Variants in PTBP3 observed in about 807,000 individuals in gnomAD.
PTBP3 encodes the protein polypyrimidine tract-binding protein 3.
In PTBP3, 20 loss-of-function variants were observed where a neutral mutation model predicts 58.7. That is an observed-to-expected ratio of 0.34 (90% CI 0.24 to 0.50). The LOEUF is 0.50. PTBP3 is among the 20% of genes least tolerant of loss of function. The pLI, the probability that PTBP3 is intolerant of heterozygous loss-of-function variation, is 0.98. For missense variants in PTBP3, 509 were observed against 637.2 expected (o/e 0.80, Z 2.17); for synonymous variants, 185 against 219.8 (o/e 0.84, Z 1.40).
intron 5 of PTBP3, among the ~76,000 whole-genome samples, chr9:112,259,235 G>T (rs1025183563): frequency 2.6e-5 from 4 of 152,148 alleles, no homozygotes; most frequent in Non-Finnish European, 5.9e-5. Flanking sequence ...TTACAGGCGT[G>T]AGCCACCACA....
At chr9:112,301,177 C>G (rs1356580655) in intron 1 of PTBP3, among the ~76,000 whole-genome samples, 6 of 152,010 alleles carry the variant, frequency 3.9e-5, no homozygotes, top group Non-Finnish European at 7.4e-5. Flanking sequence ...AAAAAGACAA[C>G]CCATTGGATT....
chr9:112,273,903 C>G (rs1278055804), intron 3 of PTBP3, among the ~76,000 whole-genome samples: 2 of 152,174 alleles, frequency 1.3e-5, no homozygotes, highest in African/African-American at 4.8e-5. Context: ...AAGCAATTAA[C>G]ATAACACTTA....
rs528829932 is a variant in PTBP3, at chr9:112,218,556, G to A, written c.*5295C>T. 1 of 152,706 alleles carries A rather than the reference G, an allele frequency of 6.5e-6. No individual in the cohort carries two copies. Among genetic ancestry groups the A allele is most frequent in the Non-Finnish European group, 1.5e-5 (1 of 68,016 alleles). The allele number at this position is 152,706 out of a possible 1,614,324, so 9.5% of individuals were successfully genotyped here. ...GCAAATATACAAACTGAACGAAAAT[G>A]GAATATACTGTAGTGTACAGAAGCT... On this transcript the variant is annotated 3_prime_UTR_variant, in exon 14 of 14. Transcript: ENST00000374257.
chr9:112,255,372 T>A (rs1265193333), intron 5 of PTBP3, among the ~76,000 whole-genome samples: 1 of 152,206 alleles, frequency 6.6e-6, no homozygotes, highest in African/African-American at 2.4e-5. Flanking sequence ...GTAAAATTCA[T>A]GTTATATATA....
chr9:112,320,291 A>AAAAAATATATATATATATATATATAT (rs1411646280), intron 1 of PTBP3, among the ~76,000 whole-genome samples: 1 of 73,532 alleles, frequency 1.4e-5, no homozygotes, highest in Non-Finnish European at 2.2e-5. Context: ...AAAAAAAAAA[A>AAAAAATATATATATATATATATATAT]ATATATATAT....
At chr9:112,240,121 GAAAA>G (rs996150746) in intron 7 of PTBP3, among the ~76,000 whole-genome samples, 1 of 152,190 alleles carries the variant, frequency 6.6e-6, no homozygotes, top group Middle Eastern at 3.4e-3. Flanking sequence ...TTGTCAAAAA[GAAAA>G]AAGATGGTAT....
chr9:112,314,275 A>C (rs796531329), intron 1 of PTBP3, among the ~76,000 whole-genome samples: 11 of 152,382 alleles, frequency 7.2e-5, no homozygotes, highest in African/African-American at 2.6e-4. Flanking sequence ...AGTACACTTC[A>C]AGATAGGAAC....
At chr9:112,302,931 A>T (rs1829012154) in intron 1 of PTBP3, among the ~76,000 whole-genome samples, 1 of 152,082 alleles carries the variant, frequency 6.6e-6, no homozygotes, top group Admixed American at 6.6e-5. Flanking sequence ...TTTCAGTTTC[A>T]ATTTGGGGAG....
chr9:112,369,782 G>C, the PTBP3 span, among the ~76,000 whole-genome samples: 17 of 152,132 alleles, frequency 1.1e-4, no homozygotes, highest in African/African-American at 4.1e-4. Flanking sequence ...GAATGATATG[G>C]TTTGGCTGTG....
At chr9:112,359,901 TA>T in the PTBP3 span, among the ~76,000 whole-genome samples, 1 of 151,878 alleles carries the variant, frequency 6.6e-6, no homozygotes, top group Non-Finnish European at 1.5e-5. Context: ...GCTTAAAAAC[TA>T]TAAAAATTAA....
intron 2 of PTBP3, among the ~76,000 whole-genome samples, chr9:112,297,533 T>C (rs1044177629): frequency 3.3e-5 from 5 of 152,182 alleles, no homozygotes; most frequent in East Asian, 1.9e-4. Context: ...TCTAGCTCTT[T>C]TACTCAATAG....
chr9:112,376,659 T>C, the PTBP3 span, among the ~76,000 whole-genome samples: 3 of 151,950 alleles, frequency 2.0e-5, no homozygotes, highest in Non-Finnish European at 4.4e-5. Flanking sequence ...GAGTCTGATG[T>C]TGGAGGGCAA....
chr9:112,333,356 C>T, intron 1 of PTBP3, 114 bp downstream of exon 1: 2 of 1,229,056 alleles, frequency 1.6e-6, no homozygotes, highest in Non-Finnish European at 2.1e-6. Flanking sequence ...CGGGGCCGCT[C>T]CTCCGGCCGC....
intron 2 of PTBP3, among the ~76,000 whole-genome samples, chr9:112,294,663 A>G (rs1828590475): frequency 1.3e-5 from 2 of 152,258 alleles, no homozygotes; most frequent in Non-Finnish European, 2.9e-5. Flanking sequence ...GGTTCCAGTG[A>G]ATACATAACA....
At chr9:112,246,840 G>A (rs1046536312) in intron 7 of PTBP3, among the ~76,000 whole-genome samples, 1 of 152,112 alleles carries the variant, frequency 6.6e-6, no homozygotes, top group African/African-American at 2.4e-5. Context: ...AGTGATCAAA[G>A]CTAACACCAC....
At chr9:112,343,513 G>T in the PTBP3 span, among the ~76,000 whole-genome samples, 1 of 152,142 alleles carries the variant, frequency 6.6e-6, no homozygotes, top group Non-Finnish European at 1.5e-5. Context: ...CATGCAGCTG[G>T]GCGTGGTGGC....
chr9:112,282,850 T>C (rs1247446580), intron 2 of PTBP3, among the ~76,000 whole-genome samples: 2 of 152,190 alleles, frequency 1.3e-5, no homozygotes, highest in African/African-American at 2.4e-5. Context: ...TCTAGAATTG[T>C]AATCCCATAG....
intron 1 of PTBP3, among the ~76,000 whole-genome samples, chr9:112,317,670 C>T (rs748173706): frequency 1.3e-5 from 2 of 152,032 alleles, no homozygotes; most frequent in African/African-American, 2.4e-5. Context: ...CATTATGGGC[C>T]GGGCACAGTG....
At chr9:112,354,323 T>C in the PTBP3 span, among the ~76,000 whole-genome samples, 1 of 152,222 alleles carries the variant, frequency 6.6e-6, no homozygotes, top group Non-Finnish European at 1.5e-5. Context: ...AATATGGTTC[T>C]GAAAAATATT....
Sources: allele counts gnomAD v4.1 joint callset (sites outside exome capture counted in the v4.1 genomes callset), GRCh38; gene constraint gnomAD v4.1.1; transcripts MANE v1.5; gene names NCBI Gene and HGNC (gene_info 2026-07-23, HGNC 2026-07-21).